The following CD163 variants were observed in gnomAD, a reference collection of about 807,000 sequenced individuals.
The protein encoded by CD163 is scavenger receptor cysteine-rich type 1 protein M130.
A neutral mutation model predicts 129.2 loss-of-function variants in CD163; 64 were observed. The ratio of observed to expected loss-of-function variants is 0.50; its 90% CI spans 0.41 to 0.61. The LOEUF (loss-of-function observed/expected upper bound fraction) is 0.61. Among genes scored for constraint, CD163 ranks in the 20% least tolerant of loss-of-function variants. CD163 has a pLI of 0.00. For missense variants in CD163, 1,061 were observed against 1,377.9 expected (o/e 0.77, Z 3.64); for synonymous variants, 446 against 478.5 (o/e 0.93, Z 0.89).
At chr12:7,494,800 A>G (rs181121315) in intron 6 of CD163, among the ~76,000 whole-genome samples, 1 of 152,352 alleles carries the variant, frequency 6.6e-6, no homozygotes, top group African/African-American at 2.4e-5. Context: ...ATCCTGTGAA[A>G]GAAATATTGA....
intron 6 of CD163, among the ~76,000 whole-genome samples, chr12:7,493,553 T>G (rs1949354242): frequency 6.6e-6 from 1 of 152,228 alleles, no homozygotes; most frequent in South Asian, 2.1e-4. Context: ...GTCACTATTA[T>G]TTGTTTCTCT....
At position 7,497,017 on chromosome 12, in the gene CD163, C is replaced by T. The variant is rs1472188539; in HGVS notation, c.895G>A (p.Asp299Asn). 3.7e-6 allele frequency: 6 copies of T among 1,614,068 alleles called. No homozygotes were observed. The highest frequency in any genetic ancestry group is 2.2e-5 in the East Asian group (1 of 44,862). The change falls in exon 5 of 17, where the codon GAT becomes AAT. Residue 299 changes from aspartate to asparagine, a missense_variant. Coordinates refer to ENST00000432237, the MANE Select transcript of CD163 (RefSeq NM_203416.4). ...TICDDGWDSY[D>N]AAVACKQLGC... is the part of the protein sequence containing the mutation. ...AGTTGCTTGCATGCCACAGCAGCAT[C>T]GTAACTGTCCCAGCCGTCATCACAT...
chr12:7,479,836 G>T, intron 16 of CD163, 24 bp downstream of exon 16: 2 of 1,606,570 alleles, frequency 1.2e-6, no homozygotes, highest in South Asian at 2.2e-5. Flanking sequence ...TTTGAACAAT[G>T]ACTAATAAAT....
intron 16 of CD163, among the ~76,000 whole-genome samples, chr12:7,475,097 CAAAAAAAAA>C (rs58901449): frequency 3.2e-5 from 3 of 94,020 alleles, no homozygotes; most frequent in Non-Finnish European, 5.9e-5. Context: ...GCCTACCAAC[CAAAAAAAAA>C]AAAAAAAAAA....
chr12:7,479,468 C>A (rs1430003793), intron 16 of CD163, among the ~76,000 whole-genome samples: 1 of 152,024 alleles, frequency 6.6e-6, no homozygotes, highest in Non-Finnish European at 1.5e-5. Flanking sequence ...CTTACAACAA[C>A]CCCAAAGTTT....
At chr12:7,499,309 A>C in intron 3 of CD163, 121 bp from the exon 4 acceptor site, 1 of 806,230 alleles carries the variant, frequency 1.2e-6, no homozygotes, top group African/African-American at 1.7e-5. Flanking sequence ...CTGATTTTGG[A>C]CATTGCCCAG....
At chr12:7,502,457 T>C in intron 2 of CD163, 21 bp downstream of exon 2, 2 of 1,490,296 alleles carry the variant, frequency 1.3e-6, no homozygotes, top group Non-Finnish European at 1.9e-6. Context: ...AGGCTGTAAG[T>C]AAATTTGACA....
rs201530581 is a variant in CD163, at chr12:7,485,083, G to A, written c.2779+13C>T. ...GCAGAATGGAATTTTCATATAGGTC[G>A]ATGGATACTCACTGTCACATGTGAT... is the stretch of plus-strand genomic sequence containing the variant. On this transcript the variant is annotated intron_variant, in intron 11 of 16. Coordinates refer to ENST00000432237, the MANE Select transcript of CD163 (RefSeq NM_203416.4). The surrounding 1 kb of genome is among the most constrained non-coding windows in gnomAD (Gnocchi z 4.5). The A allele has an allele frequency of 3.8e-5, 60 of 1,578,458 alleles. 1 individual carries two copies. The highest frequency in any genetic ancestry group is 2.0e-4 in the East Asian group (9 of 44,450).
intron 16 of CD163, among the ~76,000 whole-genome samples, chr12:7,476,988 G>A (rs1949097060): frequency 6.6e-6 from 1 of 152,104 alleles, no homozygotes; most frequent in Non-Finnish European, 1.5e-5. Context: ...TGTGAAGAAA[G>A]GCTCATCATC....
chr12:7,492,871 A>G (rs760745778), intron 6 of CD163, among the ~76,000 whole-genome samples: 47 of 152,326 alleles, frequency 3.1e-4, no homozygotes, highest in Non-Finnish European at 5.4e-4. Context: ...TTGATACTCC[A>G]GATACAAAGG....
intron 6 of CD163, among the ~76,000 whole-genome samples, chr12:7,490,829 GA>G (rs1393098017): frequency 2.0e-5 from 3 of 151,964 alleles, no homozygotes; most frequent in Non-Finnish European, 4.4e-5. Flanking sequence ...AATTTGAAAT[GA>G]AAAACATGTT....
chr12:7,487,983 G>T lies in CD163; in HGVS notation c.1525C>A (p.Leu509Met), dbSNP rs201179026. 19 of 1,614,146 alleles carry T rather than the reference G, an allele frequency of 1.2e-5. No homozygotes were observed. Among genetic ancestry groups the T allele is most frequent in the Non-Finnish European group, 1.5e-5 (18 of 1,180,016 alleles). The change falls in exon 7 of 17, where the codon CTG becomes ATG. Residue 509 changes from leucine to methionine, a missense_variant. By Grantham distance (15) the Leu-to-Met change is conservative. Coordinates refer to ENST00000432237, the MANE Select transcript of CD163 (RefSeq NM_203416.4). This position sits in a 1 kb window ranked among gnomAD's most constrained non-coding sequence, Gnocchi z 5.1. ...CTGCATAGAACGCTGGCAGCTTCCA[G>T]AGAGAAGTCCGAATCACAGATGGAG... Reference protein sequence around the residue: ...WGSICDSDFSLEAASVLCREL... With the variant: ...WGSICDSDFSMEAASVLCREL...
intron 1 of CD163, among the ~76,000 whole-genome samples, chr12:7,503,139 T>C (rs1254438113): frequency 6.6e-6 from 1 of 152,178 alleles, no homozygotes; most frequent in Non-Finnish European, 1.5e-5. Context: ...TATTAAATCT[T>C]GTCATCTCTA....
intron 16 of CD163, among the ~76,000 whole-genome samples, chr12:7,476,559 T>C (rs1949090351): frequency 6.6e-6 from 1 of 152,162 alleles, no homozygotes; most frequent in South Asian, 2.1e-4. Flanking sequence ...ACTGGACCAC[T>C]TCCTTACACC....
chr12:7,483,188 G>A, intron 12 of CD163, 179 bp downstream of exon 12: 1 of 788,560 alleles, frequency 1.3e-6, no homozygotes, highest in Non-Finnish European at 2.0e-6. Flanking sequence ...TGTCTCCTTG[G>A]TGAAGGCCGT....
rs988895971 is a variant in CD163, at chr12:7,496,727, C to T, written c.1099+86G>A. 7 of 1,127,530 alleles carry T rather than the reference C, an allele frequency of 6.2e-6. No individual in the cohort carries two copies. The highest frequency in any genetic ancestry group is 5.8e-5 in the Admixed American group (3 of 51,908). The allele number at this position is 1,127,530 out of a possible 1,614,324, so 69.8% of individuals were successfully genotyped here. A position where few individuals can be genotyped will look rare whatever the true frequency, so the allele number is the denominator to read the frequency against. ...AGGCATTTCTACTTCTTAAGGAGCA[C>T]GTTCCTACTCTTAAGGAGCACAGGA... is the stretch of plus-strand genomic sequence containing the variant. On this transcript the variant is annotated intron_variant, in intron 5 of 16. Coordinates refer to ENST00000432237, the MANE Select transcript of CD163 (RefSeq NM_203416.4). The surrounding 1 kb of genome is among the most constrained non-coding windows in gnomAD (Gnocchi z 4.8).
chr12:7,490,736 G>A (rs1045872593), intron 6 of CD163, among the ~76,000 whole-genome samples: 11 of 151,888 alleles, frequency 7.2e-5, no homozygotes, highest in Middle Eastern at 3.2e-3. Context: ...ACCATGTTCT[G>A]TACTACAGCA....
intron 3 of CD163, among the ~76,000 whole-genome samples, chr12:7,500,421 C>CAAAAA (rs71953455): frequency 0.38 from 24,353 of 63,364 alleles, 4,486 homozygotes; most frequent in Non-Finnish European, 0.52. Flanking sequence ...CAATTCGTCC[C>CAAAAA]AAAAAAAAAA....
At position 7,471,188 on chromosome 12, in the gene CD163, T is replaced by C. The variant is rs932490589; in HGVS notation, c.*241A>G. On this transcript the variant is annotated 3_prime_UTR_variant, in exon 17 of 17. Coordinates refer to ENST00000432237, the MANE Select transcript of CD163 (RefSeq NM_203416.4). Reference sequence around the variant, plus strand: ...AAGCAAACTCAAATCAATAACATTCTTATTTATTTATTTAATTCCCTTGAA... The same window carrying C: ...AAGCAAACTCAAATCAATAACATTCCTATTTATTTATTTAATTCCCTTGAA... 1.2e-4 allele frequency: 19 copies of C among 152,288 alleles called. No individual in the cohort carries two copies. The highest frequency in any genetic ancestry group is 2.1e-4 in the Non-Finnish European group (14 of 68,018). The allele number at this position is 152,288 out of a possible 1,614,324, so 9.4% of individuals were successfully genotyped here.
Sources: allele counts gnomAD v4.1 joint callset (sites outside exome capture counted in the v4.1 genomes callset), GRCh38; gene constraint gnomAD v4.1.1; non-coding constraint Gnocchi (gnomAD v3.1); transcripts MANE v1.5; gene names NCBI Gene and HGNC (gene_info 2026-07-23, HGNC 2026-07-21).